The following NR3C1 variants were observed in gnomAD, a reference collection of about 807,000 sequenced individuals.
The protein encoded by NR3C1 is glucocorticoid receptor.
In NR3C1, 14 loss-of-function variants were observed where a neutral mutation model predicts 74.0. The observed-to-expected ratio is 0.19, with a 90% CI of 0.12 to 0.30. The LOEUF is 0.30. Among genes scored for constraint, NR3C1 ranks in the 10% least tolerant of loss-of-function variants. The pLI is 1.00. For missense variants in NR3C1, 695 were observed against 909.8 expected, an observed-to-expected ratio of 0.76 and a Z score of 3.04; for synonymous variants, 308 against 332.5, an observed-to-expected ratio of 0.93 and a Z score of 0.80.
At chr5:143,374,985 G>C (rs535914560) in intron 2 of NR3C1, among the ~76,000 whole-genome samples, 2 of 151,814 alleles carry the variant, frequency 1.3e-5, no homozygotes, top group Non-Finnish European at 1.5e-5. Context: ...CATCAGTAAA[G>C]GGATGCTGGC....
intron 2 of NR3C1, among the ~76,000 whole-genome samples, chr5:143,341,382 A>C (rs562395674): frequency 6.6e-6 from 1 of 152,374 alleles, no homozygotes; most frequent in African/African-American, 2.4e-5. Flanking sequence ...ATTCTATTTA[A>C]GCAAAGTTAT....
chr5:143,340,789 A>G (rs1236941324), intron 2 of NR3C1, among the ~76,000 whole-genome samples: 2 of 152,090 alleles, frequency 1.3e-5, no homozygotes, highest in African/African-American at 2.4e-5. Flanking sequence ...CCAAAAGGCG[A>G]TATTTTTTAA....
In NR3C1 at chr5:143,298,805, C is replaced by T; in HGVS notation, c.1755G>A (p.Arg585=). 2 of 1,613,034 alleles carry T rather than the reference C, an allele frequency of 1.2e-6. No homozygotes were observed. The highest frequency in any genetic ancestry group is 2.2e-5 in the South Asian group (2 of 91,016). The part of the protein sequence containing the change: ...VKWAKAIPGF[R]NLHLDDQMTL... Reference sequence around the variant, plus strand: ...TCATTTGGTCATCCAGGTGTAAGTTCCTGAAACCTGAATTAAGAGAAATAA... The same window carrying T: ...TCATTTGGTCATCCAGGTGTAAGTTTCTGAAACCTGAATTAAGAGAAATAA... Residue 585 remains arginine (R), a synonymous_variant, in exon 6 of 9, where the codon AGG becomes AGA. Coordinates refer to ENST00000394464, the MANE Select transcript of NR3C1 (RefSeq NM_000176.3).
Position 143,326,581 on chromosome 5 carries a change from G to A in NR3C1, c.1185-12413C>T, listed in dbSNP as rs534896110. 5.3e-5 allele frequency among the ~76,000 whole-genome samples: 8 copies of A among 152,138 alleles called. No homozygotes were observed. The South Asian group carries it at 8.3e-4, about 16-fold the overall frequency. ...GGAGTGTTTTGTATATTCATACCACGATTTTTGCCCTTAGAGGAACTCTGA... is the reference window on the plus strand; with the variant it reads ...GGAGTGTTTTGTATATTCATACCACAATTTTTGCCCTTAGAGGAACTCTGA... On this transcript the variant is annotated intron_variant, in intron 2 of 8. Transcript: ENST00000394464.
intron 8 of NR3C1, 147 bp from the exon 9 acceptor site, chr5:143,282,188 G>A (rs191713573): frequency 4.1e-5 from 32 of 775,344 alleles, no homozygotes; most frequent in East Asian, 2.7e-4. Context: ...AAGCACTTCC[G>A]TACAAAACAC....
chr5:143,402,877 A>G (rs1600637556), intron 1 of NR3C1: 1 of 966,416 alleles, frequency 1.0e-6, no homozygotes, highest in Non-Finnish European at 1.2e-6. Context: ...GGGAAAGGGG[A>G]CACTAGGGGG....
chr5:143,305,037 T>C (rs1033269043), intron 4 of NR3C1, among the ~76,000 whole-genome samples: 1 of 152,050 alleles, frequency 6.6e-6, no homozygotes, highest in African/African-American at 2.4e-5. Flanking sequence ...AAAACAAAAA[T>C]TGACAATGGG....
chr5:143,392,858 C>G (rs537309457), intron 2 of NR3C1, among the ~76,000 whole-genome samples: 13 of 152,276 alleles, frequency 8.5e-5, no homozygotes, highest in African/African-American at 3.1e-4. Flanking sequence ...TGTCAATCAA[C>G]TATTTGTTCC....
intron 1 of NR3C1, among the ~76,000 whole-genome samples, chr5:143,402,008 A>G (rs1840373413): frequency 6.6e-6 from 1 of 152,216 alleles, no homozygotes; most frequent in South Asian, 2.1e-4. Flanking sequence ...ATCCCGTCCA[A>G]TAAAAGGTAA....
chr5:143,372,455 T>G (rs1169850648), intron 2 of NR3C1, among the ~76,000 whole-genome samples: 1 of 152,208 alleles, frequency 6.6e-6, no homozygotes, highest in African/African-American at 2.4e-5. Flanking sequence ...ATGATTCACA[T>G]CCCAGGTGGG....
intron 1 of NR3C1, among the ~76,000 whole-genome samples, chr5:143,421,182 C>T (rs1309263862): frequency 1.3e-5 from 2 of 152,176 alleles, no homozygotes; most frequent in Non-Finnish European, 2.9e-5. Flanking sequence ...AATGATGGCT[C>T]CTGTAGCCTC....
In NR3C1 at chr5:143,338,985, G is replaced by A. The variant is rs143333907; in HGVS notation, c.1185-24817C>T. The stretch of plus-strand genomic sequence containing the variant: ...ATGTTTAGATACATAAATACTTACC[G>A]ATGTATTAGAGGTGCCTGCAGTGTT... On this transcript the variant is annotated intron_variant, in intron 2 of 8. Coordinates refer to ENST00000394464, the MANE Select transcript of NR3C1 (RefSeq NM_000176.3). Among the ~76,000 whole-genome samples, 378 of 151,982 alleles carry A rather than the reference G, an allele frequency of 2.5e-3. 1 individual carries two copies. The highest frequency in any genetic ancestry group is 8.6e-3 in the African/African-American group (357 of 41,436).
intron 4 of NR3C1, among the ~76,000 whole-genome samples, chr5:143,309,073 CTTTTTTT>C (rs397830399): frequency 5.2e-5 from 7 of 134,428 alleles, no homozygotes; most frequent in South Asian, 2.3e-4. Flanking sequence ...TTTCAGGTTT[CTTTTTTT>C]TTTTTTTTTT....
rs567558753 is a variant in NR3C1 at position 143,339,202 on chromosome 5, G to T, written c.1185-25034C>A. On this transcript the variant is annotated intron_variant, in intron 2 of 8. Transcript: ENST00000394464. Reference sequence around the variant, plus strand: ...TTAAGCAATACATGACTGCATATTTGTTTTGTTCATTCTCATGTACATATG... The same window carrying T: ...TTAAGCAATACATGACTGCATATTTTTTTTGTTCATTCTCATGTACATATG... Among the ~76,000 whole-genome samples the T allele has an allele frequency of 1.2e-3, 183 of 152,130 alleles. 1 individual carries two copies. The highest frequency in any genetic ancestry group is 1.3e-3 in the Non-Finnish European group (89 of 68,000).
rs13180461 is a variant in NR3C1 at position 143,336,232 on chromosome 5, T to C, written c.1185-22064A>G. Among the ~76,000 whole-genome samples the C allele has an allele frequency of 5.0e-3, 769 of 152,292 alleles. 2 individuals carry two copies. The highest frequency in any genetic ancestry group is 0.017 in the African/African-American group (716 of 41,578). Reference sequence around the variant, plus strand: ...TCACATGATAATTCCTTTAGCCATATCTCTGTTTGAAGTGTATGTGAGCTT... The same window carrying C: ...TCACATGATAATTCCTTTAGCCATACCTCTGTTTGAAGTGTATGTGAGCTT... On this transcript the variant is annotated intron_variant, in intron 2 of 8. Coordinates refer to ENST00000394464, the MANE Select transcript of NR3C1 (RefSeq NM_000176.3).
intron 1 of NR3C1, among the ~76,000 whole-genome samples, chr5:143,412,779 C>G (rs1455493164): frequency 3.3e-5 from 5 of 152,258 alleles, no homozygotes; most frequent in Middle Eastern, 3.4e-3. Context: ...AGAATCATGT[C>G]TCCACATTCA....
intron 2 of NR3C1, among the ~76,000 whole-genome samples, chr5:143,345,434 TC>T (rs1276162752): frequency 1.3e-5 from 2 of 152,160 alleles, no homozygotes; most frequent in African/African-American, 4.8e-5. Flanking sequence ...GGTGTTGAAC[TC>T]CTGACCTCCA....
rs200510956 is a variant in NR3C1 at position 143,399,861 on chromosome 5, A to C, written c.979T>G (p.Ser327Ala). Residue 327 changes from serine to alanine, a missense_variant, in exon 2 of 9, where the codon TCT (serine) becomes GCT (alanine). Physicochemically the swap from Ser to Ala is moderately conservative, Grantham distance 99 (BLOSUM62 1). Transcript: ENST00000394464. Reference sequence around the variant, plus strand: ...TCATAGTGGTACATCTGTCCTCCAGAGGTACTCACACCATGAACAGAAATG... The same window carrying C: ...TCATAGTGGTACATCTGTCCTCCAGCGGTACTCACACCATGAACAGAAATG... ...SAISVHGVST[S>A]GGQMYHYDMN... 2.3e-5 allele frequency: 37 copies of C among 1,614,222 alleles called. No individual in the cohort carries two copies. In the South Asian group the frequency reaches 3.7e-4, roughly 16 times the overall value.
At position 143,300,349 on chromosome 5, in the gene NR3C1, A is replaced by G; in HGVS notation, c.1747+136T>C. The G allele has an allele frequency of 9.9e-7, 1 of 1,007,308 alleles. No homozygotes were observed. Among genetic ancestry groups the G allele is most frequent in the Non-Finnish European group, 1.6e-6 (1 of 644,802 alleles). The allele number at this position is 1,007,308 out of a possible 1,614,324, so 62.4% of individuals were successfully genotyped here. A position where few individuals can be genotyped will look rare whatever the true frequency, so the allele number is the denominator to read the frequency against. On this transcript the variant is annotated intron_variant, in intron 5 of 8. Coordinates refer to ENST00000394464, the MANE Select transcript of NR3C1 (RefSeq NM_000176.3). The surrounding 1 kb of genome is among the most constrained non-coding windows in gnomAD (Gnocchi z 5.2). ...ACTCCCTATCACCTGTATTCACCTG[A>G]CTCTCCCCTTCATAGTCCCCAGAAC...
Sources: allele counts gnomAD v4.1 joint callset (sites outside exome capture counted in the v4.1 genomes callset), GRCh38; gene constraint gnomAD v4.1.1; non-coding constraint Gnocchi (gnomAD v3.1); transcripts MANE v1.5; gene names NCBI Gene and HGNC (gene_info 2026-07-23, HGNC 2026-07-21).